KALRN: variants seen among roughly 807,000 people sequenced by gnomAD.
The protein encoded by KALRN is kalirin.
Under a neutral mutation model 353.7 loss-of-function variants are expected in KALRN, and 70 were observed. The ratio of observed to expected loss-of-function variants is 0.20; its 90% CI spans 0.16 to 0.24. The LOEUF (loss-of-function observed/expected upper bound fraction) is 0.24, where lower values mean the gene tolerates loss of function less well. Ranked by LOEUF, KALRN falls within the 10% of genes least tolerant of loss-of-function variation. KALRN has a pLI of 1.00. For missense variants in KALRN, 2,791 were observed against 3,756.7 expected (o/e 0.74, Z 6.72); for synonymous variants, 1,391 against 1,434.8 (o/e 0.97, Z 0.69).
intron 34 of KALRN, among the ~76,000 whole-genome samples, chr3:124,574,954 A>C (rs936497869): frequency 6.6e-6 from 1 of 152,204 alleles, no homozygotes; most frequent in African/African-American, 2.4e-5. Flanking sequence ...TCACCGCCAC[A>C]CTGCCTTCCC....
intron 37 of KALRN, among the ~76,000 whole-genome samples, chr3:124,640,906 C>A (rs946475410): frequency 6.6e-6 from 1 of 152,150 alleles, no homozygotes; most frequent in Admixed American, 6.5e-5. Context: ...TTACAGAGTT[C>A]AATTCCATCT....
At chr3:124,663,919 C>T (rs557878349) in intron 45 of KALRN, among the ~76,000 whole-genome samples, 77 of 152,292 alleles carry the variant, frequency 5.1e-4, no homozygotes, top group African/African-American at 1.8e-3. Flanking sequence ...CTTGCCCTTT[C>T]AGCCCATCCC....
intron 1 of KALRN, among the ~76,000 whole-genome samples, chr3:124,058,576 T>A (rs941996106): frequency 7.9e-5 from 12 of 152,324 alleles, no homozygotes; most frequent in Non-Finnish European, 1.5e-4. Context: ...AAGTTTTGAA[T>A]CTACATATCT....
chr3:124,297,801 G>A (rs2076960427), intron 5 of KALRN, among the ~76,000 whole-genome samples: 1 of 152,204 alleles, frequency 6.6e-6, no homozygotes, highest in Non-Finnish European at 1.5e-5. Context: ...CCAGGGCTCT[G>A]CCTGCTTCCT....
chr3:124,094,756 T>C, intron 1 of KALRN: 1 of 1,209,472 alleles, frequency 8.3e-7, no homozygotes, highest in South Asian at 1.2e-5. Context: ...CAGCGTCAAG[T>C]GATTCCGGCC....
chr3:124,202,823 T>C (rs927915474), intron 1 of KALRN, among the ~76,000 whole-genome samples: 3 of 152,216 alleles, frequency 2.0e-5, no homozygotes, highest in African/African-American at 7.2e-5. Context: ...ATTCCCTTAA[T>C]TCCTGAGAAT....
intron 13 of KALRN, among the ~76,000 whole-genome samples, chr3:124,400,554 C>A (rs957066411): frequency 3.1e-4 from 47 of 152,102 alleles, no homozygotes; most frequent in Non-Finnish European, 1.5e-4. Flanking sequence ...TATCAACACA[C>A]ATTTTGAAAA....
chr3:124,138,422 A>G (rs1262348769), intron 1 of KALRN, among the ~76,000 whole-genome samples: 1 of 152,160 alleles, frequency 6.6e-6, no homozygotes, highest in African/African-American at 2.4e-5. Context: ...TGCCTTGACA[A>G]CTTTCTTGCA....
At chr3:124,718,184 T>C (rs967190874) in intron 59 of KALRN, among the ~76,000 whole-genome samples, 2 of 146,520 alleles carry the variant, frequency 1.4e-5, no homozygotes, top group African/African-American at 5.1e-5. Context: ...TACAGTGGCA[T>C]GATCTCAGCT....
intron 51 of KALRN, 110 bp downstream of exon 51, chr3:124,679,627 T>A: frequency 1.1e-6 from 1 of 919,156 alleles, no homozygotes; most frequent in South Asian, 1.3e-5. Flanking sequence ...AATTGTGATG[T>A]TGGGGCATCT....
At chr3:124,269,389 T>A in intron 5 of KALRN, 134 bp downstream of exon 5, 1 of 937,116 alleles carries the variant, frequency 1.1e-6, no homozygotes, top group Non-Finnish European at 1.6e-6. Flanking sequence ...TTAGCTAATG[T>A]AATTTTTTTA....
In KALRN at chr3:124,671,875, G is replaced by A. The variant is rs35653635; in HGVS notation, c.6919G>A (p.Gly2307Arg). The A allele has an allele frequency of 0.026, 42,152 of 1,613,718 alleles. 797 individuals carry two copies. Among genetic ancestry groups the A allele is most frequent in the East Asian group, 0.094 (4,213 of 44,882 alleles). The stretch of plus-strand genomic sequence containing the variant: ...TCCAGGGTTTGAATACCACCAGCCT[G>A]GGGACAAGTTCGAAGCCAGCAAGGT... ...GSPGFEYHQP[G>R]DKFEASKNDL... The change falls in exon 48 of 60, where the codon GGG becomes AGG. Residue 2307 changes from glycine to arginine, a missense_variant. Physicochemically the swap from Gly to Arg is moderately radical, Grantham distance 125. Coordinates refer to ENST00000682506, the MANE Select transcript of KALRN (RefSeq NM_001388419.1).
intron 1 of KALRN, among the ~76,000 whole-genome samples, chr3:124,057,917 G>T (rs950812675): frequency 3.9e-5 from 6 of 152,180 alleles, no homozygotes; most frequent in African/African-American, 1.4e-4. Flanking sequence ...TCATGCTGCT[G>T]ATAAAGACAT....
At chr3:124,537,024 T>C (rs1383914663) in intron 33 of KALRN, among the ~76,000 whole-genome samples, 1 of 152,114 alleles carries the variant, frequency 6.6e-6, no homozygotes, top group African/African-American at 2.4e-5. Flanking sequence ...CAGTTGACAA[T>C]AATTGAAAAC....
chr3:124,244,822 C>CT (rs954106924), intron 3 of KALRN, among the ~76,000 whole-genome samples: 9 of 151,700 alleles, frequency 5.9e-5, no homozygotes, highest in Admixed American at 5.9e-4. Context: ...CAATCATGGG[C>CT]TTTTTTTAGT....
chr3:124,082,846 G>T (rs2060615919), intron 1 of KALRN, among the ~76,000 whole-genome samples: 1 of 152,218 alleles, frequency 6.6e-6, no homozygotes, highest in Non-Finnish European at 1.5e-5. Context: ...TTTCATCAGT[G>T]CAAAGCTACA....
chr3:124,321,562 A>G (rs2079341160), intron 6 of KALRN, among the ~76,000 whole-genome samples: 1 of 152,174 alleles, frequency 6.6e-6, no homozygotes, highest in African/African-American at 2.4e-5. Flanking sequence ...CAGGACAATG[A>G]CTCTGCTCCA....
At chr3:124,213,528 A>G (rs900735812) in intron 1 of KALRN, among the ~76,000 whole-genome samples, 1 of 152,084 alleles carries the variant, frequency 6.6e-6, no homozygotes, top group Non-Finnish European at 1.5e-5. Flanking sequence ...AATTATTTTT[A>G]TCTATTTGTT....
chr3:124,547,263 G>A (rs1184414496), intron 33 of KALRN, among the ~76,000 whole-genome samples: 1 of 152,058 alleles, frequency 6.6e-6, no homozygotes, highest in Non-Finnish European at 1.5e-5. Context: ...GCTTCTCAAA[G>A]TGCTGGGATT....
Sources: allele counts gnomAD v4.1 joint callset (sites outside exome capture counted in the v4.1 genomes callset), GRCh38; gene constraint gnomAD v4.1.1; transcripts MANE v1.5; gene names NCBI Gene and HGNC (gene_info 2026-07-23, HGNC 2026-07-21).